The following MYPN variants were observed in gnomAD, a reference collection of about 807,000 sequenced individuals.
MYPN encodes myopalladin.
A neutral mutation model predicts 129.4 loss-of-function variants in MYPN; 63 were observed. That is an observed-to-expected ratio of 0.49 (90% CI 0.40 to 0.60). The LOEUF is 0.60. Ranked by LOEUF, MYPN falls within the 20% of genes least tolerant of loss-of-function variation. The pLI, the probability that MYPN is intolerant of heterozygous loss-of-function variation, is 0.00. For missense variants in MYPN, 1,596 were observed against 1,635.4 expected, an observed-to-expected ratio of 0.98 and a Z score of 0.42; for synonymous variants, 629 against 600.9, an observed-to-expected ratio of 1.05 and a Z score of -0.68.
At chr10:68,108,837 G>A (rs562858089), upstream of MYPN, among the ~76,000 whole-genome samples, 8 of 152,000 alleles carry the variant, frequency 5.3e-5, no homozygotes, top group Admixed American at 4.6e-4. Flanking sequence ...TTCTCCTGCC[G>A]CAGCCTCCTG....
chr10:68,141,009 G>A (rs1267024199), intron 2 of MYPN, among the ~76,000 whole-genome samples: 1 of 151,918 alleles, frequency 6.6e-6, no homozygotes, highest in Non-Finnish European at 1.5e-5. Context: ...GGAGGTTGAG[G>A]CTGGAGTGAA....
In MYPN at chr10:68,174,273, C is replaced by A. The variant is rs769772959; in HGVS notation, c.2181C>A (p.Phe727Leu). 6.2e-7 allele frequency: 1 copy of A among 1,614,026 alleles called. No homozygotes were observed. The highest frequency in any genetic ancestry group is 1.3e-5 in the African/African-American group (1 of 74,892). The change falls in exon 11 of 20, where the codon TTC becomes TTA. Residue 727 changes from phenylalanine to leucine, a missense_variant. By Grantham distance (22) the Phe-to-Leu change is conservative. Transcript: ENST00000358913. ...TFSLARPKYF[F>L]PSTNTTAATV... Reference sequence around the variant, plus strand: ...GCTTGGCCCGGCCGAAGTATTTCTTCCCCTCCACGAACACCACCGCAGCAA... The same window carrying A: ...GCTTGGCCCGGCCGAAGTATTTCTTACCCTCCACGAACACCACCGCAGCAA...
At chr10:68,204,033 C>T (rs531803507) in intron 18 of MYPN, among the ~76,000 whole-genome samples, 2 of 152,198 alleles carry the variant, frequency 1.3e-5, no homozygotes, top group Non-Finnish European at 2.9e-5. Flanking sequence ...ATACTCACCT[C>T]AAACATCATC....
chr10:68,147,061 G>T (rs2042678650), intron 4 of MYPN, among the ~76,000 whole-genome samples: 1 of 152,210 alleles, frequency 6.6e-6, no homozygotes, highest in South Asian at 2.1e-4. Flanking sequence ...CATAGAGAGA[G>T]AGAGCAGTTT....
Position 68,148,444 on chromosome 10 carries a change from C to T in MYPN, c.1222C>T (p.Pro408Ser). Residue 408 changes from proline (P) to serine (S), a missense_variant, in exon 5 of 20, where the codon CCT becomes TCT. Transcript: ENST00000358913. ...VPQAQHLVAQPRVATIQQCQS... is the reference protein window; with the variant it reads ...VPQAQHLVAQSRVATIQQCQS... The stretch of plus-strand genomic sequence containing the variant: ...CCAAGCCCAGCATTTGGTGGCCCAA[C>T]CTCGTGTGGCAACCATCCAGCAGGT... 2 of 1,614,122 alleles carry T rather than the reference C, an allele frequency of 1.2e-6. No homozygotes were observed. The highest frequency in any genetic ancestry group is 8.5e-7 in the Non-Finnish European group (1 of 1,179,970).
intron 1 of MYPN, among the ~76,000 whole-genome samples, chr10:68,097,155 C>T (rs1034099757): frequency 1.1e-4 from 17 of 152,130 alleles, no homozygotes; most frequent in African/African-American, 4.1e-4. Flanking sequence ...AGCATTTTAC[C>T]TCTATGTTAC....
chr10:68,104,720 T>A (rs974032923), upstream of MYPN, among the ~76,000 whole-genome samples: 3 of 152,204 alleles, frequency 2.0e-5, no homozygotes, highest in African/African-American at 7.2e-5. Context: ...ATTACAAACT[T>A]AAACCCTATA....
At chr10:68,197,819 T>G (rs1028006684) in intron 16 of MYPN, among the ~76,000 whole-genome samples, 1 of 152,070 alleles carries the variant, frequency 6.6e-6, no homozygotes, top group Non-Finnish European at 1.5e-5. Context: ...TGCCTGAAAC[T>G]TTAGGTAGTA....
At chr10:68,088,541 G>A (rs541564) in intron 1 of MYPN, among the ~76,000 whole-genome samples, 77,003 of 151,972 alleles carry the variant, frequency 0.51, 22,367 homozygotes, top group East Asian at 0.85. Context: ...CAGTCAGGGT[G>A]CTGATCTATC....
chr10:68,091,695 C>G (rs1246025943), intron 1 of MYPN, among the ~76,000 whole-genome samples: 1 of 151,882 alleles, frequency 6.6e-6, no homozygotes, highest in Non-Finnish European at 1.5e-5. Flanking sequence ...TGCGCCCAGC[C>G]TAGACTACAG....
Position 68,136,488 on chromosome 10 carries a change from A to G in MYPN, c.903-6452A>G. On this transcript the variant is annotated intron_variant, in intron 2 of 19. Transcript: ENST00000358913. Reference sequence around the variant, plus strand: ...TTCCCCCTGACCCTCAAAAGTCTTCAGCATAGCAGGGTAAATTTAATACCT... The same window carrying G: ...TTCCCCCTGACCCTCAAAAGTCTTCGGCATAGCAGGGTAAATTTAATACCT... 7 of 1,244,866 alleles carry G rather than the reference A, an allele frequency of 5.6e-6. 1 individual carries two copies. Among genetic ancestry groups the G allele is most frequent in the Non-Finnish European group, 6.3e-6 (6 of 956,800 alleles). The allele number at this position is 1,244,866 out of a possible 1,614,324, so 77.1% of individuals were successfully genotyped here.
At position 68,197,446 on chromosome 10, in the gene MYPN, C is replaced by T; in HGVS notation, c.3253C>T (p.His1085Tyr). ...FLQAPGDMVAHEGRLCRLDCK... is the reference protein window; with the variant it reads ...FLQAPGDMVAYEGRLCRLDCK... Reference sequence around the variant, plus strand: ...GCAGGCTCCTGGGGATATGGTAGCTCATGAGGGGCGCCTCTGTCGGCTGGA... The same window carrying T: ...GCAGGCTCCTGGGGATATGGTAGCTTATGAGGGGCGCCTCTGTCGGCTGGA... Residue 1085 changes from histidine to tyrosine, a missense_variant, in exon 16 of 20, where the codon CAT (histidine) becomes TAT (tyrosine). Transcript: ENST00000358913. The T allele has an allele frequency of 1.2e-6, 2 of 1,613,970 alleles. No homozygotes were observed. The highest frequency in any genetic ancestry group is 8.5e-7 in the Non-Finnish European group (1 of 1,179,930).
At chr10:68,169,864 C>G (rs139051667) in intron 10 of MYPN, among the ~76,000 whole-genome samples, 5 of 151,980 alleles carry the variant, frequency 3.3e-5, no homozygotes, top group Non-Finnish European at 5.9e-5. Context: ...CTCAGCCTCC[C>G]GAGTACCTGT....
chr10:68,173,081 G>A (rs1448839934), intron 10 of MYPN, among the ~76,000 whole-genome samples: 1 of 151,970 alleles, frequency 6.6e-6, no homozygotes. Flanking sequence ...TCAAAAAAAA[G>A]AAAAACAAAA....
chr10:68,196,501 G>C (rs867732905), intron 15 of MYPN, among the ~76,000 whole-genome samples: 1 of 20,786 alleles, frequency 4.8e-5, no homozygotes, highest in Non-Finnish European at 1.5e-4. Flanking sequence ...TTTTTTTTTT[G>C]AGATGGGGGT....
upstream of MYPN, among the ~76,000 whole-genome samples, chr10:68,104,180 G>A (rs1038627881): frequency 1.3e-5 from 2 of 152,094 alleles, no homozygotes; most frequent in African/African-American, 4.8e-5. Context: ...TTCCTTTCCC[G>A]CACATCATTA....
intron 12 of MYPN, among the ~76,000 whole-genome samples, chr10:68,185,941 C>T (rs7087483): frequency 0.62 from 94,935 of 152,072 alleles, 31,135 homozygotes; most frequent in Non-Finnish European, 0.72. Context: ...AAGAATTAGG[C>T]TGAATCATAT....
intron 10 of MYPN, among the ~76,000 whole-genome samples, 199 bp downstream of exon 10, chr10:68,166,865 A>G (rs920994534): frequency 6.6e-6 from 1 of 151,984 alleles, no homozygotes; most frequent in Non-Finnish European, 1.5e-5. Flanking sequence ...CTCTGTCTCT[A>G]AAAGAAAAAT....
At chr10:68,098,131 A>G (rs2041965567) in intron 1 of MYPN, among the ~76,000 whole-genome samples, 1 of 152,156 alleles carries the variant, frequency 6.6e-6, no homozygotes, top group Admixed American at 6.5e-5. Flanking sequence ...CTGTAATCCC[A>G]GCTACTTGGG....
Sources: gnomAD v4.1 joint callset for allele counts (sites outside exome capture counted in the v4.1 genomes callset) on GRCh38, gnomAD v4.1.1 for gene constraint, MANE v1.5 for transcripts, NCBI Gene and HGNC (gene_info 2026-07-23, HGNC 2026-07-21) for gene names.